ARL8B: variants seen among roughly 807,000 people sequenced by gnomAD.
The protein encoded by ARL8B is ADP-ribosylation factor-like protein 8B.
Under a neutral mutation model 30.6 loss-of-function variants are expected in ARL8B, and 9 were observed. The observed-to-expected ratio is 0.29, with a 90% CI of 0.18 to 0.51. The LOEUF (loss-of-function observed/expected upper bound fraction) is 0.51, where lower values mean the gene tolerates loss of function less well. ARL8B is among the 20% of genes least tolerant of loss of function. The pLI is 0.97. For missense variants in ARL8B, 130 were observed against 227.2 expected, an observed-to-expected ratio of 0.57 and a Z score of 2.75; for synonymous variants, 74 against 76.0, an observed-to-expected ratio of 0.97 and a Z score of 0.14.
At chr3:5,138,290 C>T (rs2054344821) in intron 1 of ARL8B, among the ~76,000 whole-genome samples, 1 of 151,074 alleles carries the variant, frequency 6.6e-6, no homozygotes, top group African/African-American at 2.4e-5. Context: ...AGCAGTCTAA[C>T]ATTGACTTCA....
chr3:5,163,600 G>T (rs1341408352), intron 1 of ARL8B, among the ~76,000 whole-genome samples: 1 of 152,222 alleles, frequency 6.6e-6, no homozygotes, highest in Non-Finnish European at 1.5e-5. Context: ...TGGGTGCCAT[G>T]GCTCATGCCT....
At chr3:5,128,899 A>G (rs1022026553) in intron 1 of ARL8B, among the ~76,000 whole-genome samples, 1 of 152,176 alleles carries the variant, frequency 6.6e-6, no homozygotes, top group African/African-American at 2.4e-5. Context: ...GTTACAGTGT[A>G]TGCATTTTTC....
chr3:5,126,936 A>T (rs2054234739), intron 1 of ARL8B, among the ~76,000 whole-genome samples: 1 of 152,358 alleles, frequency 6.6e-6, no homozygotes, highest in Non-Finnish European at 1.5e-5. Flanking sequence ...TGCCAAAATA[A>T]TATAGGATAA....
At chr3:5,147,361 T>G (rs2054429090) in intron 1 of ARL8B, among the ~76,000 whole-genome samples, 1 of 152,228 alleles carries the variant, frequency 6.6e-6, no homozygotes, top group Non-Finnish European at 1.5e-5. Flanking sequence ...CATCCTTTTT[T>G]ATGGCTGCAT....
intron 1 of ARL8B, among the ~76,000 whole-genome samples, chr3:5,162,186 G>C (rs1559283892): frequency 6.6e-6 from 1 of 152,236 alleles, no homozygotes; most frequent in South Asian, 2.1e-4. Flanking sequence ...ACTAGAGCCA[G>C]AGTTCATAAA....
At chr3:5,154,198 G>A (rs1312485788) in intron 1 of ARL8B, among the ~76,000 whole-genome samples, 2 of 151,792 alleles carry the variant, frequency 1.3e-5, no homozygotes, top group African/African-American at 4.8e-5. Context: ...TTTTTTTCAA[G>A]TATTTTTTCC....
At chr3:5,175,125 T>C (rs563254223) in intron 6 of ARL8B, among the ~76,000 whole-genome samples, 1 of 152,182 alleles carries the variant, frequency 6.6e-6, no homozygotes, top group African/African-American at 2.4e-5. Context: ...CAGCAAAAAA[T>C]TTTTTAAAAA....
chr3:5,130,087 C>G (rs564654810), intron 1 of ARL8B, among the ~76,000 whole-genome samples: 61 of 152,272 alleles, frequency 4.0e-4, no homozygotes, highest in Non-Finnish European at 6.5e-4. Flanking sequence ...TGACCTCGAA[C>G]TCCTGACCTC....
At chr3:5,171,930 ATGTAT>A (rs2054680431) in intron 2 of ARL8B, among the ~76,000 whole-genome samples, 1 of 152,234 alleles carries the variant, frequency 6.6e-6, no homozygotes, top group Non-Finnish European at 1.5e-5. Flanking sequence ...AAAATTTTAG[ATGTAT>A]TGTAAATGTA....
rs187790060 is a variant in ARL8B, at chr3:5,128,896, T to G, written c.123+6308T>G. Among the ~76,000 whole-genome samples, 77 of 152,354 alleles carry G rather than the reference T, an allele frequency of 5.1e-4. 1 individual carries two copies. The East Asian group carries it at 0.014, about 27-fold the overall frequency. On this transcript the variant is annotated intron_variant, in intron 1 of 6. Coordinates refer to ENST00000256496, the MANE Select transcript of ARL8B (RefSeq NM_018184.3). ...TTATATTCTGGTTTAATTGTTACAGTGTATGCATTTTTCTATCTAAAACAT... is the reference window on the plus strand; with the variant it reads ...TTATATTCTGGTTTAATTGTTACAGGGTATGCATTTTTCTATCTAAAACAT...
chr3:5,165,535 GC>G (rs2054616284), intron 1 of ARL8B, among the ~76,000 whole-genome samples: 1 of 151,976 alleles, frequency 6.6e-6, no homozygotes, highest in Admixed American at 6.6e-5. Flanking sequence ...ACTCTGTTTA[GC>G]ATGTGAAAAG....
chr3:5,156,437 G>A (rs933923935), intron 1 of ARL8B, among the ~76,000 whole-genome samples: 2 of 149,692 alleles, frequency 1.3e-5, no homozygotes, highest in African/African-American at 4.9e-5. Context: ...TGTTTTTTGA[G>A]ACGGAGTCTC....
chr3:5,177,894 G>T (rs1405601382), intron 6 of ARL8B, among the ~76,000 whole-genome samples: 1 of 152,162 alleles, frequency 6.6e-6, no homozygotes, highest in East Asian at 1.9e-4. Flanking sequence ...TCAGTAGTTG[G>T]GTTAAATCAT....
In ARL8B at chr3:5,179,667, C is replaced by T. The variant is rs2054761576; in HGVS notation, c.*954C>T. 6.6e-6 allele frequency: 1 copy of T among 152,548 alleles called. No homozygotes were observed. Among genetic ancestry groups the T allele is most frequent in the Admixed American group, 6.5e-5 (1 of 15,270 alleles). The allele number at this position is 152,548 out of a possible 1,614,324, so 9.4% of individuals were successfully genotyped here. A position where few individuals can be genotyped will look rare whatever the true frequency, so the allele number is the denominator to read the frequency against. On this transcript the variant is annotated 3_prime_UTR_variant, in exon 7 of 7. Transcript: ENST00000256496. ...CTCTTAACTCCTGACTTTTTATATCCAGTCATAAAGTTGACTTTCAGCACA... is the reference window on the plus strand; with the variant it reads ...CTCTTAACTCCTGACTTTTTATATCTAGTCATAAAGTTGACTTTCAGCACA...
intron 4 of ARL8B, among the ~76,000 whole-genome samples, chr3:5,173,114 A>T (rs1417720325): frequency 6.6e-6 from 1 of 152,152 alleles, no homozygotes; most frequent in Non-Finnish European, 1.5e-5. Flanking sequence ...GGGATATGAG[A>T]GTTGTAATTT....
At chr3:5,127,550 G>A (rs1030293223) in intron 1 of ARL8B, among the ~76,000 whole-genome samples, 23 of 152,106 alleles carry the variant, frequency 1.5e-4, no homozygotes, top group African/African-American at 4.8e-4. Context: ...TTAGGAGAAG[G>A]AATGATAATC....
At chr3:5,165,332 A>G (rs1390811767) in intron 1 of ARL8B, among the ~76,000 whole-genome samples, 1 of 152,206 alleles carries the variant, frequency 6.6e-6, no homozygotes, top group Non-Finnish European at 1.5e-5. Context: ...GAAATACAGA[A>G]AGCATAATAC....
chr3:5,152,322 G>A (rs1461548113), intron 1 of ARL8B, among the ~76,000 whole-genome samples: 3 of 152,140 alleles, frequency 2.0e-5, no homozygotes, highest in South Asian at 4.1e-4. Flanking sequence ...CTTTTATTAT[G>A]TAATGTCCCT....
intron 1 of ARL8B, among the ~76,000 whole-genome samples, chr3:5,150,110 G>A (rs1383275893): frequency 6.6e-6 from 1 of 152,186 alleles, no homozygotes; most frequent in Non-Finnish European, 1.5e-5. Context: ...GAGTTTGGAA[G>A]TGTTCGTGCC....
Sources: gnomAD v4.1 joint callset for allele counts (sites outside exome capture counted in the v4.1 genomes callset) on GRCh38, gnomAD v4.1.1 for gene constraint, MANE v1.5 for transcripts, NCBI Gene and HGNC (gene_info 2026-07-23, HGNC 2026-07-21) for gene names.